PDIA3: variants seen among roughly 807,000 people sequenced by gnomAD.
PDIA3 encodes the protein protein disulfide-isomerase A3.
Under a neutral mutation model 56.9 loss-of-function variants are expected in PDIA3, and 16 were observed. The observed-to-expected ratio is 0.28, with a 90% CI of 0.19 to 0.43. The LOEUF (loss-of-function observed/expected upper bound fraction) is 0.43. Among genes scored for constraint, PDIA3 ranks in the 20% least tolerant of loss-of-function variants. The probability of loss-of-function intolerance (pLI) is 1.00; values close to 1 mark genes in which losing one functional copy is unlikely to be tolerated. For missense variants in PDIA3, 485 were observed against 621.3 expected, an observed-to-expected ratio of 0.78 and a Z score of 2.33; for synonymous variants, 192 against 216.5, an observed-to-expected ratio of 0.89 and a Z score of 0.99.
rs542820973 is a variant in PDIA3, at chr15:43,761,522, T to G, written c.463T>G (p.Ser155Ala). The G allele has an allele frequency of 6.7e-7, 1 of 1,481,576 alleles. No homozygotes were observed. The highest frequency in any genetic ancestry group is 9.4e-7 in the Non-Finnish European group (1 of 1,064,276). 91.8% of individuals were successfully genotyped at this position (1,481,576 alleles called of 1,614,324 possible). The change falls in exon 4 of 13, where the codon TCT becomes GCT. Residue 155 changes from serine to alanine, a missense_variant. Coordinates refer to ENST00000300289, the MANE Select transcript of PDIA3 (RefSeq NM_005313.5). The stretch of plus-strand genomic sequence containing the variant: ...GAAATTCATTAGTGATAAAGATGCC[T>G]CTATAGTAGGTAAGTAGCAAATATT... The part of the protein sequence containing the change: ...FKKFISDKDA[S>A]IVGFFDDSFS...
At chr15:43,766,599 G>A in intron 7 of PDIA3, 129 bp from the exon 8 acceptor site, 2 of 723,360 alleles carry the variant, frequency 2.8e-6, no homozygotes, top group East Asian at 2.7e-5. Context: ...AGCTCAGACT[G>A]TTCAGACTGA....
At chr15:43,767,500 G>C (rs2086855116) in intron 8 of PDIA3, among the ~76,000 whole-genome samples, 1 of 150,048 alleles carries the variant, frequency 6.7e-6, no homozygotes, top group Non-Finnish European at 1.5e-5. Context: ...GATAAAGGGT[G>C]AGCACAGTGG....
At chr15:43,770,176 A>G in intron 10 of PDIA3, 74 bp from the exon 11 acceptor site, 1 of 1,173,912 alleles carries the variant, frequency 8.5e-7, no homozygotes, top group South Asian at 1.3e-5. Context: ...GATTGTTTTA[A>G]GTCTTCAATT....
intron 3 of PDIA3, among the ~76,000 whole-genome samples, chr15:43,756,982 C>T (rs1403470981): frequency 6.6e-6 from 1 of 152,132 alleles, no homozygotes; most frequent in South Asian, 2.1e-4. Flanking sequence ...GTCAGCTCGA[C>T]ATTTTTTCAT....
chr15:43,750,359 C>G (rs2086735931), intron 1 of PDIA3, among the ~76,000 whole-genome samples: 1 of 151,488 alleles, frequency 6.6e-6, no homozygotes, highest in South Asian at 2.1e-4. Flanking sequence ...ACTAATATTT[C>G]CATTATGGAG....
intron 1 of PDIA3, 158 bp downstream of exon 1, chr15:43,746,864 C>G: frequency 1.2e-6 from 1 of 818,936 alleles, no homozygotes; most frequent in Non-Finnish European, 1.9e-6. Flanking sequence ...GGAGGCGCCT[C>G]GCCGAGAGCG....
chr15:43,746,921 C>T (rs1195738308), intron 1 of PDIA3: 16 of 586,284 alleles, frequency 2.7e-5, no homozygotes, highest in Non-Finnish European at 4.5e-5. Flanking sequence ...AGGCTGCGCT[C>T]ACGCAGGGCC....
intron 3 of PDIA3, among the ~76,000 whole-genome samples, chr15:43,760,020 C>T (rs188149194): frequency 2.4e-4 from 37 of 152,024 alleles, no homozygotes; most frequent in Admixed American, 2.1e-3. Context: ...ACCCAGGAGG[C>T]GGATGTTGCA....
At chr15:43,765,370 A>G in intron 5 of PDIA3, 80 bp from the exon 6 acceptor site, 1 of 823,584 alleles carries the variant, frequency 1.2e-6, no homozygotes, top group Non-Finnish European at 2.1e-6. Context: ...AACAGAGCGA[A>G]ACCCTATCTC....
Position 43,747,757 on chromosome 15 carries a change from G to A in PDIA3, c.167+1051G>A, listed in dbSNP as rs1434492870. Among the ~76,000 whole-genome samples, 5 of 152,130 alleles carry A rather than the reference G, an allele frequency of 3.3e-5. No individual in the cohort carries two copies. The South Asian group carries it at 1.0e-3, about 31-fold the overall frequency. On this transcript the variant is annotated intron_variant, in intron 1 of 12. Coordinates refer to ENST00000300289, the MANE Select transcript of PDIA3 (RefSeq NM_005313.5). ...GTTCAAAAATGTCAGTAAAAGTTGT[G>A]TATAACTTTTATTTGCTTCAGACTC... is the stretch of plus-strand genomic sequence containing the variant.
intron 1 of PDIA3, among the ~76,000 whole-genome samples, 196 bp from the exon 2 acceptor site, chr15:43,753,628 A>G (rs529219265): frequency 1.3e-5 from 2 of 152,330 alleles, no homozygotes; most frequent in South Asian, 2.1e-4. Flanking sequence ...ACCTCAGTCT[A>G]GGGGTAGGAC....
chr15:43,755,091 T>C (rs2086769841), intron 2 of PDIA3, among the ~76,000 whole-genome samples: 1 of 151,724 alleles, frequency 6.6e-6, no homozygotes, highest in Admixed American at 6.6e-5. Context: ...TTTGACAGGC[T>C]GAGGAGGGCG....
Position 43,769,525 on chromosome 15 carries a change from T to C in PDIA3, c.1145T>C (p.Val382Ala). The C allele has an allele frequency of 6.2e-7, 1 of 1,613,228 alleles. No homozygotes were observed. Among genetic ancestry groups the C allele is most frequent in the Non-Finnish European group, 8.5e-7 (1 of 1,179,150 alleles). ...ESNDGPVKVV[V>A]AENFDEIVNN... ...TTCTTCTGTGTTTTCCAGGTAGTGG[T>C]AGCAGAGAATTTTGATGAAATAGTG... The change falls in exon 10 of 13, where the codon GTA (valine) becomes GCA (alanine). Residue 382 changes from valine (V) to alanine (A), a missense_variant. Transcript: ENST00000300289.
intron 3 of PDIA3, among the ~76,000 whole-genome samples, chr15:43,759,389 T>C (rs759927463): frequency 1.3e-5 from 2 of 152,212 alleles, no homozygotes; most frequent in Non-Finnish European, 2.9e-5. Flanking sequence ...ATGTTGTCTA[T>C]AGATTCTTGG....
intron 3 of PDIA3, among the ~76,000 whole-genome samples, chr15:43,758,219 A>G (rs1431114049): frequency 6.6e-6 from 1 of 152,138 alleles, no homozygotes; most frequent in Non-Finnish European, 1.5e-5. Flanking sequence ...CCTGGGCAAC[A>G]AGAAGGAAAC....
At position 43,753,835 on chromosome 15, in the gene PDIA3, G is replaced by A; in HGVS notation, c.179G>A (p.Cys60Tyr). 1 of 1,612,696 alleles carries A rather than the reference G, an allele frequency of 6.2e-7. No homozygotes were observed. Among genetic ancestry groups the A allele is most frequent in the South Asian group, 1.1e-5 (1 of 91,062 alleles). ...TAATACGTATATAGGTGTGGACACTGCAAGAGACTTGCACCTGAGTATGAA... is the reference window on the plus strand; with the variant it reads ...TAATACGTATATAGGTGTGGACACTACAAGAGACTTGCACCTGAGTATGAA... ...VEFFAPWCGHCKRLAPEYEAA... is the reference protein window; with the variant it reads ...VEFFAPWCGHYKRLAPEYEAA... The change falls in exon 2 of 13, where the codon TGC becomes TAC. Residue 60 changes from cysteine (C) to tyrosine (Y), a missense_variant. Cys to Tyr is a radical substitution (Grantham distance 194). Transcript: ENST00000300289.
intron 1 of PDIA3, chr15:43,752,945 A>C (rs2086754276): frequency 2.2e-6 from 1 of 461,582 alleles, no homozygotes; most frequent in African/African-American, 2.0e-5. Flanking sequence ...CCTCTGGGAA[A>C]GGTATTCTAG....
intron 4 of PDIA3, among the ~76,000 whole-genome samples, chr15:43,762,636 G>A (rs1236526100): frequency 6.6e-6 from 1 of 151,992 alleles, no homozygotes; most frequent in Non-Finnish European, 1.5e-5. Flanking sequence ...GAGTTAGCAT[G>A]TATTTATTAA....
At chr15:43,762,960 C>A (rs548471011) in intron 4 of PDIA3, 117 bp from the exon 5 acceptor site, 2 of 991,028 alleles carry the variant, frequency 2.0e-6, no homozygotes, top group Non-Finnish European at 3.0e-6. Context: ...GCAAAGCAGA[C>A]CCAGTCCTCA....
Sources: gnomAD v4.1 joint callset for allele counts (sites outside exome capture counted in the v4.1 genomes callset) on GRCh38, gnomAD v4.1.1 for gene constraint, MANE v1.5 for transcripts, NCBI Gene and HGNC (gene_info 2026-07-23, HGNC 2026-07-21) for gene names.